COL5A1: variants seen among roughly 807,000 people sequenced by gnomAD.
COL5A1 encodes collagen alpha-1(V) chain.
A neutral mutation model predicts 263.7 loss-of-function variants in COL5A1; 16 were observed. That is an observed-to-expected ratio of 0.06 (90% CI 0.04 to 0.09). The LOEUF (loss-of-function observed/expected upper bound fraction) is 0.09, where lower values mean the gene tolerates loss of function less well. Among genes scored for constraint, COL5A1 ranks in the 10% least tolerant of loss-of-function variants. The probability of loss-of-function intolerance (pLI) is 1.00; values close to 1 mark genes in which losing one functional copy is unlikely to be tolerated. For synonymous variants in COL5A1, 1,012 were observed against 1,004.5 expected, an observed-to-expected ratio of 1.01 and a Z score of -0.14; for missense variants, 2,036 against 2,540.5, an observed-to-expected ratio of 0.80 and a Z score of 4.27.
At chr9:134,645,579 T>A (rs777297267) in intron 1 of COL5A1, among the ~76,000 whole-genome samples, 3 of 152,178 alleles carry the variant, frequency 2.0e-5, no homozygotes, top group Non-Finnish European at 2.9e-5. Context: ...CACATGGGAA[T>A]GGAGGGGCTG....
chr9:134,710,584 T>G (rs1448047046), intron 4 of COL5A1, among the ~76,000 whole-genome samples: 3 of 16,262 alleles, frequency 1.8e-4, no homozygotes, highest in Non-Finnish European at 2.2e-4. Flanking sequence ...TTGGGTGCAG[T>G]GGTGGGGGGG....
At chr9:134,776,898 G>C (rs1194418988) in intron 27 of COL5A1, among the ~76,000 whole-genome samples, 1 of 152,164 alleles carries the variant, frequency 6.6e-6, no homozygotes, top group African/African-American at 2.4e-5. Flanking sequence ...TAGCAGAAGA[G>C]GGGGGACGAG....
Position 134,690,959 on chromosome 9 carries a change from G to A in COL5A1, c.157G>A (p.Asp53Asn). ...GGTTCTAGATTTTCACAACTTGCCT[G>A]ATGGAATAACAAAGACAACAGGCTT... is the stretch of plus-strand genomic sequence containing the variant. ...LKVLDFHNLP[D>N]GITKTTGFCA... Residue 53 changes from aspartate to asparagine, a missense_variant, in exon 2 of 66, where the codon GAT becomes AAT. Transcript: ENST00000371817. 1 of 1,613,856 alleles carries A rather than the reference G, an allele frequency of 6.2e-7. No individual in the cohort carries two copies. The highest frequency in any genetic ancestry group is 1.1e-5 in the South Asian group (1 of 91,088).
In COL5A1 at chr9:134,810,290, G is replaced by A. The variant is rs543950268; in HGVS notation, c.3510G>A (p.Lys1170=). The change falls in exon 44 of 66, where the codon AAG becomes AAA. Residue 1170 remains lysine, a synonymous_variant. Transcript: ENST00000371817. ...GGGAGCCGGGGCAGAAAGGAAGCAA[G>A]GGGGACAAAGGAGAACAGGTAAGTA... ...EIGEPGQKGS[K]GDKGEQGPPG... 14 of 1,614,202 alleles carry A rather than the reference G, an allele frequency of 8.7e-6. No homozygotes were observed. The Admixed American group carries it at 2.3e-4, about 27-fold the overall frequency.
chr9:134,759,381 A>T (rs1015914035), intron 18 of COL5A1, among the ~76,000 whole-genome samples: 2 of 143,968 alleles, frequency 1.4e-5, no homozygotes, highest in Non-Finnish European at 3.0e-5. Flanking sequence ...CACACACCAC[A>T]CATGCACACA....
chr9:134,708,793 C>T (rs774034141), intron 4 of COL5A1: 59 of 457,330 alleles, frequency 1.3e-4, no homozygotes, highest in Non-Finnish European at 2.5e-4. Flanking sequence ...GAGATTTATC[C>T]TCTCCCAGCT....
intron 1 of COL5A1, among the ~76,000 whole-genome samples, chr9:134,683,591 C>A (rs1025593320): frequency 6.0e-4 from 91 of 152,256 alleles, no homozygotes; most frequent in Non-Finnish European, 1.5e-5. Context: ...CTCTCCCAGG[C>A]TGTTGTGTGT....
chr9:134,705,037 A>G (rs1369402606), intron 4 of COL5A1, among the ~76,000 whole-genome samples: 1 of 152,152 alleles, frequency 6.6e-6, no homozygotes, highest in Admixed American at 6.5e-5. Flanking sequence ...CAGCAGCCCC[A>G]ATCTTCCCCT....
At chr9:134,711,288 C>T (rs1049293850) in intron 4 of COL5A1, among the ~76,000 whole-genome samples, 9 of 152,052 alleles carry the variant, frequency 5.9e-5, no homozygotes, top group East Asian at 1.9e-4. Flanking sequence ...GTGGTCAGGC[C>T]GGTGACACCC....
chr9:134,701,961 C>T (rs867747538), intron 4 of COL5A1, among the ~76,000 whole-genome samples: 50 of 152,214 alleles, frequency 3.3e-4, no homozygotes, highest in Admixed American at 1.7e-3. Flanking sequence ...GAGAATGCCC[C>T]GTCCCACTGC....
In COL5A1 at chr9:134,758,190, G is replaced by C; in HGVS notation, c.1882-53G>C. On this transcript the variant is annotated intron_variant, in intron 17 of 65. Transcript: ENST00000371817. This position sits in a 1 kb window ranked among gnomAD's most constrained non-coding sequence, Gnocchi z 4.1. ...ATCACTTGGTGGACACCAAGGCGGG[G>C]TGTCCACGTGTGCAGGGTGGCGTCT... 3 of 1,598,538 alleles carry C rather than the reference G, an allele frequency of 1.9e-6. No homozygotes were observed. Among genetic ancestry groups the C allele is most frequent in the Non-Finnish European group, 2.6e-6 (3 of 1,166,432 alleles).
rs182252189 is a variant in COL5A1 at position 134,772,397 on chromosome 9, C to G, written c.2287-393C>G. Among the ~76,000 whole-genome samples the G allele has an allele frequency of 1.7e-4, 26 of 152,384 alleles. No homozygotes were observed. The East Asian group carries it at 3.9e-3, about 23-fold the overall frequency. On this transcript the variant is annotated intron_variant, in intron 25 of 65. Transcript: ENST00000371817. The stretch of plus-strand genomic sequence containing the variant: ...CCTGGGGAAGAGGCCCTTGTTGGCC[C>G]TGTCCCCACTCGTGGGTCACTGGTC...
rs1831301444 is a variant in COL5A1 at position 134,641,950 on chromosome 9, G to C, written c.-238G>C. 2.6e-6 allele frequency: 1 copy of C among 390,856 alleles called. No homozygotes were observed. The highest frequency in any genetic ancestry group is 1.3e-4 in the South Asian group (1 of 7,820). 24.2% of individuals were successfully genotyped at this position (390,856 alleles called of 1,614,324 possible). Reference sequence around the variant, plus strand: ...GGAGGCGAGGGCGAGCTAGCCCAGCGGGGTCCCGGCCGCCCCGCGGGCCAA... The same window carrying C: ...GGAGGCGAGGGCGAGCTAGCCCAGCCGGGTCCCGGCCGCCCCGCGGGCCAA... On this transcript the variant is annotated 5_prime_UTR_variant, in exon 1 of 66. Transcript: ENST00000371817.
In COL5A1 at chr9:134,834,988, C is replaced by A. The variant is rs147434147; in HGVS notation, c.5154C>A (p.Ala1718=). Residue 1718 remains alanine (A), a synonymous_variant, in exon 65 of 66, where the codon GCC becomes GCA. Coordinates refer to ENST00000371817, the MANE Select transcript of COL5A1 (RefSeq NM_000093.5). The part of the protein sequence containing the change: ...KRGKLLSYVD[A]EGNPVGVVQM... ...CCCCCCAGCTCTCCTATGTGGACGC[C>A]GAGGGCAACCCTGTGGGTGTGGTAC... The A allele has an allele frequency of 6.2e-7, 1 of 1,613,366 alleles. No individual in the cohort carries two copies. The highest frequency in any genetic ancestry group is 8.5e-7 in the Non-Finnish European group (1 of 1,179,934).
chr9:134,750,287 T>C (rs1427019126), intron 11 of COL5A1, among the ~76,000 whole-genome samples: 2 of 152,082 alleles, frequency 1.3e-5, no homozygotes, highest in African/African-American at 4.8e-5. Flanking sequence ...TCTCTGGATT[T>C]CTCTATATCC....
Position 134,754,235 on chromosome 9 carries a change from G to C in COL5A1, c.1774-38G>C, listed in dbSNP as rs375554729. 1 of 1,607,476 alleles carries C rather than the reference G, an allele frequency of 6.2e-7. No homozygotes were observed. Among genetic ancestry groups the C allele is most frequent in the Non-Finnish European group, 8.5e-7 (1 of 1,175,816 alleles). On this transcript the variant is annotated intron_variant, in intron 15 of 65. Transcript: ENST00000371817. This position sits in a 1 kb window ranked among gnomAD's most constrained non-coding sequence, Gnocchi z 4.3. The stretch of plus-strand genomic sequence containing the variant: ...CTTTGCTCTTTCTCCTGAGAAAGGC[G>C]GACTCGCCACTGACCCTTTGTCTCT...
intron 37 of COL5A1, among the ~76,000 whole-genome samples, chr9:134,800,614 A>G (rs539114387): frequency 1.2e-3 from 184 of 152,216 alleles, no homozygotes; most frequent in African/African-American, 4.2e-3. Context: ...GCATGGTGGC[A>G]GGCACCTGTA....
chr9:134,649,166 A>G (rs979236195), intron 1 of COL5A1, among the ~76,000 whole-genome samples: 1 of 151,930 alleles, frequency 6.6e-6, no homozygotes, highest in African/African-American at 2.4e-5. Context: ...TGGAGAGAAG[A>G]CCGTGGAATG....
chr9:134,767,063 C>A lies in COL5A1; in HGVS notation c.2187+10C>A. 1 of 1,612,928 alleles carries A rather than the reference C, an allele frequency of 6.2e-7. No individual in the cohort carries two copies. Among genetic ancestry groups the A allele is most frequent in the Non-Finnish European group, 8.5e-7 (1 of 1,179,736 alleles). On this transcript the variant is annotated intron_variant, in intron 23 of 65. Transcript: ENST00000371817. The stretch of plus-strand genomic sequence containing the variant: ...TAATCCAGGCGCCCAGGTAAGTGAG[C>A]CTGAGAGAGGCAGCTCGCAGGGATC...
Sources: allele counts gnomAD v4.1 joint callset (sites outside exome capture counted in the v4.1 genomes callset), GRCh38; gene constraint gnomAD v4.1.1; non-coding constraint Gnocchi (gnomAD v3.1); transcripts MANE v1.5; gene names NCBI Gene and HGNC (gene_info 2026-07-23, HGNC 2026-07-21).